Variants in ANK1 observed in about 807,000 individuals in gnomAD.
The protein encoded by ANK1 is ankyrin 1.
A neutral mutation model predicts 210.4 loss-of-function variants in ANK1; 51 were observed. That is an observed-to-expected ratio of 0.24 (90% CI 0.19 to 0.31). ANK1 has a LOEUF of 0.31. ANK1 is among the 10% of genes least tolerant of loss of function. The pLI is 1.00. For synonymous variants in ANK1, 967 were observed against 1,025.9 expected (o/e 0.94, Z 1.10); for missense variants, 2,051 against 2,504.4 (o/e 0.82, Z 3.86).
intron 2 of ANK1, among the ~76,000 whole-genome samples, chr8:41,735,697 C>T (rs1413232633): frequency 3.3e-5 from 5 of 152,172 alleles, no homozygotes; most frequent in Admixed American, 2.6e-4. Flanking sequence ...AGTGGGAGTG[C>T]ATTAGCCCAT....
chr8:41,681,688 C>T (rs764891899), intron 37 of ANK1, among the ~76,000 whole-genome samples: 1 of 150,096 alleles, frequency 6.7e-6, no homozygotes, highest in African/African-American at 2.5e-5. Context: ...CAGGCCATCA[C>T]GAGCCCTGCC....
chr8:41,699,574 C>T lies in ANK1; in HGVS notation c.2462-26G>A, dbSNP rs374680836. 4.6e-5 allele frequency: 73 copies of T among 1,603,718 alleles called. No individual in the cohort carries two copies. Among genetic ancestry groups the T allele is most frequent in the African/African-American group, 3.7e-4 (28 of 74,850 alleles). On this transcript the variant is annotated intron_variant, in intron 22 of 42. Coordinates refer to ENST00000289734, the MANE Select transcript of ANK1 (RefSeq NM_000037.4). ...CTGAAACAGCAAGAGCTCAAGTGAGCGACGGGGTAGAGGAAGAAGAGTCCC... is the reference window on the plus strand; with the variant it reads ...CTGAAACAGCAAGAGCTCAAGTGAGTGACGGGGTAGAGGAAGAAGAGTCCC...
At chr8:41,823,362 T>G (rs147767743) in intron 1 of ANK1, among the ~76,000 whole-genome samples, 1 of 152,200 alleles carries the variant, frequency 6.6e-6, no homozygotes, top group Non-Finnish European at 1.5e-5. Flanking sequence ...CTTTCCACCC[T>G]CCGCTTTTTC....
intron 1 of ANK1, among the ~76,000 whole-genome samples, chr8:41,873,650 A>G (rs1169452478): frequency 6.6e-6 from 1 of 152,184 alleles, no homozygotes; most frequent in Non-Finnish European, 1.5e-5. Context: ...GCCCTCTGTA[A>G]GCTGGCACGT....
At chr8:41,807,942 GA>G (rs1851206783) in intron 1 of ANK1, among the ~76,000 whole-genome samples, 1 of 140,560 alleles carries the variant, frequency 7.1e-6, no homozygotes, top group African/African-American at 2.6e-5. Flanking sequence ...GGAGGGAGGG[GA>G]AGAGGAGGAG....
rs1476059325 is a variant in ANK1, at chr8:41,725,019, C to T, written c.613-465G>A. 3.9e-5 allele frequency among the ~76,000 whole-genome samples: 6 copies of T among 152,136 alleles called. No individual in the cohort carries two copies. In the East Asian group the frequency reaches 9.6e-4, roughly 24 times the overall value. On this transcript the variant is annotated intron_variant, in intron 6 of 42. Transcript: ENST00000289734. ...GGACTACAGGCGAACACCATCATGC[C>T]CAGCTAATTTTAAAAAAAATGTTTT...
intron 10 of ANK1, 105 bp from the exon 11 acceptor site, chr8:41,718,309 C>T: frequency 9.8e-7 from 1 of 1,018,684 alleles, no homozygotes; most frequent in Non-Finnish European, 1.5e-6. Context: ...GCTGCCCAGG[C>T]CACCAGCAGA....
chr8:41,698,314 T>C (rs1821680859), intron 23 of ANK1, among the ~76,000 whole-genome samples, 193 bp from the exon 24 acceptor site: 1 of 152,204 alleles, frequency 6.6e-6, no homozygotes, highest in Non-Finnish European at 1.5e-5. Context: ...TGTCGCCCCT[T>C]TCTCTACCTT....
At chr8:41,878,281 C>A (rs1208109637) in intron 1 of ANK1, among the ~76,000 whole-genome samples, 2 of 152,194 alleles carry the variant, frequency 1.3e-5, no homozygotes, top group Non-Finnish European at 2.9e-5. Flanking sequence ...CTGGTGCCCC[C>A]ACCCTGGGCA....
At chr8:41,823,537 T>C (rs1453831875) in intron 1 of ANK1, among the ~76,000 whole-genome samples, 1 of 151,902 alleles carries the variant, frequency 6.6e-6, no homozygotes, top group Non-Finnish European at 1.5e-5. Flanking sequence ...GGCAGGAGGA[T>C]CCCTGAAGTC....
At chr8:41,690,435 C>G in intron 32 of ANK1, 39 bp downstream of exon 32, 3 of 1,614,212 alleles carry the variant, frequency 1.9e-6, no homozygotes, top group Non-Finnish European at 2.5e-6. Flanking sequence ...CCCCAACTTT[C>G]TAGACCCAGA....
At chr8:41,832,289 G>A (rs903474869) in intron 1 of ANK1, among the ~76,000 whole-genome samples, 3 of 152,212 alleles carry the variant, frequency 2.0e-5, no homozygotes, top group Admixed American at 6.5e-5. Context: ...GTTAACCCAC[G>A]TTCCCTGGGA....
intron 20 of ANK1, among the ~76,000 whole-genome samples, chr8:41,703,447 TATA>T (rs1258086932): frequency 0.01 from 670 of 64,892 alleles, 28 homozygotes; most frequent in Admixed American, 0.1. Flanking sequence ...TATATATATA[TATA>T]TTTTTTTTTT....
At chr8:41,808,733 C>T (rs1333226367) in intron 1 of ANK1, among the ~76,000 whole-genome samples, 1 of 152,070 alleles carries the variant, frequency 6.6e-6, no homozygotes, top group Non-Finnish European at 1.5e-5. Context: ...AACCCACCCC[C>T]TACTGCTGCA....
chr8:41,676,637 A>G (rs948638648), intron 37 of ANK1, among the ~76,000 whole-genome samples: 2 of 152,198 alleles, frequency 1.3e-5, no homozygotes, highest in Non-Finnish European at 2.9e-5. Flanking sequence ...GTTGTATCTG[A>G]GAAATCTTTG....
intron 35 of ANK1, among the ~76,000 whole-genome samples, chr8:41,687,392 G>A (rs1360588487): frequency 1.3e-5 from 2 of 152,198 alleles, no homozygotes; most frequent in African/African-American, 4.8e-5. Context: ...TTCTGTTTAA[G>A]GATCCCTTAA....
chr8:41,856,670 G>T (rs2150815173), intron 1 of ANK1, among the ~76,000 whole-genome samples: 1 of 152,148 alleles, frequency 6.6e-6, no homozygotes, highest in East Asian at 1.9e-4. Context: ...CCAACATGAT[G>T]CTCAAAAAAC....
At chr8:41,884,883 G>T (rs1273596954) in intron 1 of ANK1, among the ~76,000 whole-genome samples, 1 of 152,026 alleles carries the variant, frequency 6.6e-6, no homozygotes, top group Non-Finnish European at 1.5e-5. Flanking sequence ...ACTGAGTTCC[G>T]GAGAGGGAGC....
intron 2 of ANK1, among the ~76,000 whole-genome samples, chr8:41,752,806 C>CCA (rs1554597052): frequency 6.6e-6 from 1 of 151,658 alleles, no homozygotes; most frequent in Admixed American, 6.6e-5. Flanking sequence ...AGGCCCCCCC[C>CCA]CACTGCACCG....
Sources: gnomAD v4.1 joint callset for allele counts (sites outside exome capture counted in the v4.1 genomes callset) on GRCh38, gnomAD v4.1.1 for gene constraint, MANE v1.5 for transcripts, NCBI Gene and HGNC (gene_info 2026-07-23, HGNC 2026-07-21) for gene names.